The following RIMKLA variants were observed in gnomAD, a reference collection of about 807,000 sequenced individuals.
RIMKLA encodes ribosomal modification protein rimK like family member A.
A neutral mutation model predicts 32.7 loss-of-function variants in RIMKLA; 14 were observed. The ratio of observed to expected loss-of-function variants is 0.43; its 90% CI spans 0.28 to 0.67. The LOEUF is 0.67. RIMKLA is among the 30% of genes least tolerant of loss of function. The pLI, the probability that RIMKLA is intolerant of heterozygous loss-of-function variation, is 0.18. For missense variants in RIMKLA, 410 were observed against 519.0 expected (o/e 0.79, Z 2.04); for synonymous variants, 176 against 204.1 (o/e 0.86, Z 1.18).
At chr1:42,391,016 G>T (rs1455704447) in intron 1 of RIMKLA, among the ~76,000 whole-genome samples, 8 of 152,166 alleles carry the variant, frequency 5.3e-5, no homozygotes, top group African/African-American at 1.9e-4. Context: ...GGTACCCGTG[G>T]ATGGTAGCTT....
chr1:42,404,454 G>T, intron 2 of RIMKLA, 57 bp from the exon 3 acceptor site: 1 of 1,181,592 alleles, frequency 8.5e-7, no homozygotes, highest in Non-Finnish European at 1.3e-6. Context: ...CGGGGCTGGG[G>T]TGACCGCTAC....
chr1:42,394,832 G>A (rs971214764), intron 1 of RIMKLA, among the ~76,000 whole-genome samples: 4 of 152,112 alleles, frequency 2.6e-5, no homozygotes, highest in Non-Finnish European at 5.9e-5. Flanking sequence ...TGCCTCCTGG[G>A]TTCAAGTGAT....
At chr1:42,384,579 A>T (rs1642920207) in intron 1 of RIMKLA, among the ~76,000 whole-genome samples, 1 of 144,410 alleles carries the variant, frequency 6.9e-6, no homozygotes, top group Non-Finnish European at 1.5e-5. Context: ...ATATGTGTAT[A>T]TATGTGTGTA....
Position 42,414,587 on chromosome 1 carries a change from C to T in RIMKLA, c.789C>T (p.Ile263=). The T allele has an allele frequency of 1.2e-6, 2 of 1,614,222 alleles. No individual in the cohort carries two copies. Among genetic ancestry groups the T allele is most frequent in the African/African-American group, 2.7e-5 (2 of 75,066 alleles). ...ACTTCTGTGGCATTGATCTCCTTAT[C>T]ATGGACGATGGCTCCTTTGTGGTGT... ...GMDFCGIDLL[I]MDDGSFVVCE... is the part of the protein sequence containing the mutation. The change falls in exon 5 of 5, where the codon ATC becomes ATT. Residue 263 remains isoleucine (I), a synonymous_variant. Coordinates refer to ENST00000431473, the MANE Select transcript of RIMKLA (RefSeq NM_173642.4).
In RIMKLA at chr1:42,417,395, G is replaced by A. The variant is rs1248429986; in HGVS notation, c.*2421G>A. 3 of 152,238 alleles carry A rather than the reference G, an allele frequency of 2.0e-5. No homozygotes were observed. 9.4% of individuals were successfully genotyped at this position (152,238 alleles called of 1,614,324 possible). On this transcript the variant is annotated 3_prime_UTR_variant, in exon 5 of 5. Transcript: ENST00000431473. ...CTGTGGGCTCTGTGAGCCTCAGCCA[G>A]GTGGCCAGGCTATACTTGTCACAGC... is the stretch of plus-strand genomic sequence containing the variant.
At position 42,416,504 on chromosome 1, in the gene RIMKLA, A is replaced by T. The variant is rs1201999807; in HGVS notation, c.*1530A>T. 1 of 152,014 alleles carries T rather than the reference A, an allele frequency of 6.6e-6. No individual in the cohort carries two copies. The highest frequency in any genetic ancestry group is 1.9e-4 in the East Asian group (1 of 5,192). The allele number at this position is 152,014 out of a possible 1,614,324, so 9.4% of individuals were successfully genotyped here. On this transcript the variant is annotated 3_prime_UTR_variant, in exon 5 of 5. Coordinates refer to ENST00000431473, the MANE Select transcript of RIMKLA (RefSeq NM_173642.4). ...AATGCTCTTTAGCTGTTAAAAAAAA[A>T]AAATCATTCCTCAAAAAATAGATCT...
In RIMKLA at chr1:42,380,955, C is replaced by T. The variant is rs1327300135; in HGVS notation, c.21C>T (p.Phe7=). The change falls in exon 1 of 5, where the codon TTC becomes TTT. Residue 7 remains phenylalanine, a synonymous_variant. Coordinates refer to ENST00000431473, the MANE Select transcript of RIMKLA (RefSeq NM_173642.4). The stretch of plus-strand genomic sequence containing the variant: ...CCGCCATGTGCTCCCAGCTCTGGTT[C>T]CTGACGGACCGGCGCATCCGCGAGG... MCSQLW[F]LTDRRIREDY... The T allele has an allele frequency of 9.7e-6, 14 of 1,449,034 alleles. No individual in the cohort carries two copies. The highest frequency in any genetic ancestry group is 8.8e-5 in the African/African-American group (6 of 68,102). 89.8% of individuals were successfully genotyped at this position (1,449,034 alleles called of 1,614,324 possible). A position where few individuals can be genotyped will look rare whatever the true frequency, so the allele number is the denominator to read the frequency against.
At chr1:42,402,261 T>G (rs1319515349) in intron 2 of RIMKLA, among the ~76,000 whole-genome samples, 1 of 152,162 alleles carries the variant, frequency 6.6e-6, no homozygotes, top group Non-Finnish European at 1.5e-5. Flanking sequence ...TTATGTTAGT[T>G]TATGTGGCAA....
At chr1:42,412,072 G>C (rs564482737) in intron 4 of RIMKLA, among the ~76,000 whole-genome samples, 2 of 152,024 alleles carry the variant, frequency 1.3e-5, no homozygotes, top group African/African-American at 4.8e-5. Flanking sequence ...TAGTAACCAC[G>C]TGGCTTTATA....
At chr1:42,390,984 G>A (rs1197436498) in intron 1 of RIMKLA, among the ~76,000 whole-genome samples, 1 of 152,072 alleles carries the variant, frequency 6.6e-6, no homozygotes, top group Admixed American at 6.6e-5. Flanking sequence ...GGATATGAAC[G>A]GAGGGACAGT....
Position 42,381,111 on chromosome 1 carries a change from G to A in RIMKLA, c.163+14G>A, listed in dbSNP as rs555854217. The A allele has an allele frequency of 6.0e-5, 75 of 1,245,510 alleles. No individual in the cohort carries two copies. The South Asian group carries it at 2.0e-3, about 33-fold the overall frequency. The allele number at this position is 1,245,510 out of a possible 1,614,324, so 77.2% of individuals were successfully genotyped here. ...GCGGCCACCTCGGTGAGCGAGGCGGGCCCGGGGAGGGCAGGGAGGCGCGCC... is the reference window on the plus strand; with the variant it reads ...GCGGCCACCTCGGTGAGCGAGGCGGACCCGGGGAGGGCAGGGAGGCGCGCC... On this transcript the variant is annotated intron_variant, in intron 1 of 4. Coordinates refer to ENST00000431473, the MANE Select transcript of RIMKLA (RefSeq NM_173642.4).
At chr1:42,412,329 ATCTC>A (rs950570322) in intron 4 of RIMKLA, 13 of 176,860 alleles carry the variant, frequency 7.4e-5, no homozygotes, top group Non-Finnish European at 1.3e-4. Flanking sequence ...TCCTTTCCAT[ATCTC>A]TCTCTCTCTT....
intron 4 of RIMKLA, chr1:42,412,586 C>G: frequency 2.0e-6 from 1 of 507,754 alleles, no homozygotes; most frequent in Non-Finnish European, 3.9e-6. Context: ...TCACTCCCCA[C>G]TTGTTTAACC....
intron 1 of RIMKLA, among the ~76,000 whole-genome samples, chr1:42,384,657 A>G (rs139965970): frequency 6.7e-6 from 1 of 149,562 alleles, no homozygotes; most frequent in Non-Finnish European, 1.5e-5. Context: ...TATAGTGTTT[A>G]TTCTGTGCTG....
intron 2 of RIMKLA, among the ~76,000 whole-genome samples, chr1:42,402,676 G>A (rs1299862887): frequency 6.7e-6 from 1 of 149,804 alleles, no homozygotes; most frequent in African/African-American, 2.5e-5. Context: ...CTGCAGCCTC[G>A]ACCTCCTGGG....
In RIMKLA at chr1:42,399,458, G is replaced by C. The variant is rs1185284372; in HGVS notation, c.218G>C (p.Arg73Pro). The C allele has an allele frequency of 6.2e-7, 1 of 1,613,164 alleles. No homozygotes were observed. Among genetic ancestry groups the C allele is most frequent in the South Asian group, 1.1e-5 (1 of 90,744 alleles). The change falls in exon 2 of 5, where the codon CGG (arginine) becomes CCG (proline). Residue 73 changes from arginine to proline, a missense_variant. By Grantham distance (103) the Arg-to-Pro change is moderately radical. Transcript: ENST00000431473. The stretch of plus-strand genomic sequence containing the variant: ...ACTTTCCCGGATGTGGTGCTTGTAC[G>C]GGTACCCACACCCTCAGTGCAGTCA... The part of the protein sequence containing the change: ...LTTFPDVVLV[R>P]VPTPSVQSDS...
chr1:42,410,892 G>C (rs1643191931), intron 4 of RIMKLA, among the ~76,000 whole-genome samples: 1 of 152,156 alleles, frequency 6.6e-6, no homozygotes, highest in Non-Finnish European at 1.5e-5. Context: ...ACCAAGTCCA[G>C]TGACTAATAA....
chr1:42,402,425 A>G (rs1643106479), intron 2 of RIMKLA, among the ~76,000 whole-genome samples: 1 of 152,154 alleles, frequency 6.6e-6, no homozygotes, highest in Admixed American at 6.5e-5. Context: ...GAGGTGACCG[A>G]GGAGGAAGAT....
At chr1:42,403,074 A>G (rs1189777284) in intron 2 of RIMKLA, among the ~76,000 whole-genome samples, 1 of 152,218 alleles carries the variant, frequency 6.6e-6, no homozygotes, top group Non-Finnish European at 1.5e-5. Flanking sequence ...GAGAACTAGG[A>G]AGTAAACAAA....
Sources: allele counts gnomAD v4.1 joint callset (sites outside exome capture counted in the v4.1 genomes callset), GRCh38; gene constraint gnomAD v4.1.1; transcripts MANE v1.5; gene names NCBI Gene and HGNC (gene_info 2026-07-23, HGNC 2026-07-21).